Variants in B3GALT1 observed in about 807,000 individuals in gnomAD.
B3GALT1 encodes the protein UDP-Gal:betaGlcNAc beta 1,3-galactosyltransferase, polypeptide 1.
Under a neutral mutation model 23.2 loss-of-function variants are expected in B3GALT1, and 10 were observed. The ratio of observed to expected loss-of-function variants is 0.43; its 90% CI spans 0.27 to 0.73. The LOEUF is 0.73. Among genes scored for constraint, B3GALT1 ranks in the 30% least tolerant of loss-of-function variants. The pLI is 0.21. For synonymous variants in B3GALT1, 156 were observed against 141.5 expected, an observed-to-expected ratio of 1.10 and a Z score of -0.73; for missense variants, 299 against 405.4, an observed-to-expected ratio of 0.74 and a Z score of 2.25.
intron 4 of B3GALT1, among the ~76,000 whole-genome samples, chr2:167,837,208 C>T (rs1482438518): frequency 1.3e-5 from 2 of 152,116 alleles, no homozygotes; most frequent in African/African-American, 4.8e-5. Context: ...AGACTAAATG[C>T]TCCAATTAAA....
intron 2 of B3GALT1, among the ~76,000 whole-genome samples, chr2:167,579,842 T>A (rs1684453369): frequency 6.6e-6 from 1 of 152,098 alleles, no homozygotes; most frequent in Non-Finnish European, 1.5e-5. Flanking sequence ...TCCCTCACCT[T>A]TACACAGTCA....
intron 2 of B3GALT1, among the ~76,000 whole-genome samples, chr2:167,594,262 C>T (rs1300591693): frequency 2.0e-5 from 3 of 152,150 alleles, no homozygotes; most frequent in Admixed American, 1.3e-4. Context: ...CAAGGCACTG[C>T]ATGTCCTTCT....
At chr2:167,624,200 G>A (rs547586481) in intron 2 of B3GALT1, among the ~76,000 whole-genome samples, 1 of 152,156 alleles carries the variant, frequency 6.6e-6, no homozygotes, top group East Asian at 1.9e-4. Context: ...TGACAGGTAA[G>A]GAAGTTTAGA....
Position 167,293,064 on chromosome 2 carries a change from C to A in B3GALT1, c.-781C>A, listed in dbSNP as rs1476672097. ...TTCGGCTGCCGCCGCGGCTGCTCGGCTAGTGCAGCTGGGCGAGCTCGCGCG... is the reference window on the plus strand; with the variant it reads ...TTCGGCTGCCGCCGCGGCTGCTCGGATAGTGCAGCTGGGCGAGCTCGCGCG... On this transcript the variant is annotated 5_prime_UTR_variant, in exon 1 of 5. Transcript: ENST00000392690. 1.3e-5 allele frequency: 2 copies of A among 151,482 alleles called. No homozygotes were observed. Among genetic ancestry groups the A allele is most frequent in the Non-Finnish European group, 2.9e-5 (2 of 67,850 alleles). The allele number at this position is 151,482 out of a possible 1,614,324, so 9.4% of individuals were successfully genotyped here. A position where few individuals can be genotyped will look rare whatever the true frequency, so the allele number is the denominator to read the frequency against.
intron 2 of B3GALT1, among the ~76,000 whole-genome samples, chr2:167,560,536 T>C (rs889339404): frequency 7.9e-5 from 12 of 152,244 alleles, no homozygotes; most frequent in African/African-American, 2.9e-4. Flanking sequence ...TCAAGACCCA[T>C]CAGCATGCTG....
At chr2:167,653,052 C>T (rs942582402) in intron 3 of B3GALT1, among the ~76,000 whole-genome samples, 1 of 152,018 alleles carries the variant, frequency 6.6e-6, no homozygotes, top group African/African-American at 2.4e-5. Flanking sequence ...GTGGAGAATA[C>T]CTTTCTCATT....
At chr2:167,373,821 A>G (rs1173624236) in intron 1 of B3GALT1, among the ~76,000 whole-genome samples, 2 of 152,124 alleles carry the variant, frequency 1.3e-5, no homozygotes, top group African/African-American at 2.4e-5. Flanking sequence ...GGCTTCCCAA[A>G]GTGCTGGGAT....
At chr2:167,539,571 C>G (rs1442474428) in intron 2 of B3GALT1, among the ~76,000 whole-genome samples, 1 of 152,118 alleles carries the variant, frequency 6.6e-6, no homozygotes, top group South Asian at 2.1e-4. Context: ...CAGGATAGTG[C>G]TGACTATTCT....
intron 3 of B3GALT1, among the ~76,000 whole-genome samples, chr2:167,661,390 AACC>A (rs1243852325): frequency 6.6e-6 from 1 of 152,028 alleles, no homozygotes; most frequent in Non-Finnish European, 1.5e-5. Flanking sequence ...GCCCCAAGAA[AACC>A]AGTCTTTAGA....
At chr2:167,699,638 G>A (rs939665735) in intron 3 of B3GALT1, among the ~76,000 whole-genome samples, 2 of 151,968 alleles carry the variant, frequency 1.3e-5, no homozygotes, top group African/African-American at 4.8e-5. Flanking sequence ...TAGCATCTCA[G>A]TCATCAATAA....
At chr2:167,619,722 T>C (rs2105438249) in intron 2 of B3GALT1, among the ~76,000 whole-genome samples, 1 of 152,232 alleles carries the variant, frequency 6.6e-6, no homozygotes, top group South Asian at 2.1e-4. Context: ...AAGTCTCACA[T>C]AGGTAATTGT....
At chr2:167,476,714 G>A (rs1699491800) in intron 1 of B3GALT1, among the ~76,000 whole-genome samples, 2 of 152,084 alleles carry the variant, frequency 1.3e-5, no homozygotes, top group Admixed American at 1.3e-4. Context: ...ACCTCTCACT[G>A]AGATAATGGC....
In B3GALT1 at chr2:167,565,485, A is replaced by G. The variant is rs189699592; in HGVS notation, c.-410+75208A>G. On this transcript the variant is annotated intron_variant, in intron 2 of 4. Coordinates refer to ENST00000392690, the MANE Select transcript of B3GALT1 (RefSeq NM_020981.4). ...GTCTAAAACACCAAAAGCAGTGGCA[A>G]CAAAAGCCAAAATTGACAAATGGGA... 2.8e-3 allele frequency among the ~76,000 whole-genome samples: 423 copies of G among 152,360 alleles called. 4 individuals carry two copies. Among genetic ancestry groups the G allele is most frequent in the Non-Finnish European group, 1.7e-3 (116 of 68,032 alleles).
chr2:167,612,764 C>G (rs1685091068), intron 2 of B3GALT1, among the ~76,000 whole-genome samples: 1 of 151,840 alleles, frequency 6.6e-6, no homozygotes, highest in South Asian at 2.1e-4. Flanking sequence ...ATAATGATGT[C>G]AGAATCTAAC....
intron 3 of B3GALT1, among the ~76,000 whole-genome samples, chr2:167,697,865 G>A (rs1423586196): frequency 6.6e-6 from 1 of 152,154 alleles, no homozygotes; most frequent in Non-Finnish European, 1.5e-5. Context: ...CGGTCATGAG[G>A]AAATCACAGT....
In B3GALT1 at chr2:167,642,263, G is replaced by A. The variant is rs116365097; in HGVS notation, c.-409-4646G>A. 3.9e-3 allele frequency among the ~76,000 whole-genome samples: 589 copies of A among 152,240 alleles called. 5 individuals carry two copies. The highest frequency in any genetic ancestry group is 0.014 in the African/African-American group (564 of 41,560). ...ATCAAATATTTTTCACCATCGGGGG[G>A]TCCAGTCAGGGATTTTATTTTGCCC... is the stretch of plus-strand genomic sequence containing the variant. On this transcript the variant is annotated intron_variant, in intron 2 of 4. Coordinates refer to ENST00000392690, the MANE Select transcript of B3GALT1 (RefSeq NM_020981.4).
intron 2 of B3GALT1, among the ~76,000 whole-genome samples, chr2:167,600,537 C>A (rs950092277): frequency 6.6e-6 from 1 of 152,140 alleles, no homozygotes; most frequent in African/African-American, 2.4e-5. Context: ...ACCATCCTCC[C>A]CACCCACTCC....
intron 3 of B3GALT1, among the ~76,000 whole-genome samples, chr2:167,743,278 T>A (rs1164377655): frequency 6.6e-6 from 1 of 152,122 alleles, no homozygotes; most frequent in Admixed American, 6.5e-5. Flanking sequence ...GGAGTTAAGT[T>A]TATAAAGGTT....
At chr2:167,563,913 C>G (rs1171861313) in intron 2 of B3GALT1, among the ~76,000 whole-genome samples, 3 of 126,602 alleles carry the variant, frequency 2.4e-5, no homozygotes, top group Non-Finnish European at 3.4e-5. Context: ...GGCCGATCCC[C>G]CCACCTCCCT....
Sources: gnomAD v4.1 joint callset for allele counts (sites outside exome capture counted in the v4.1 genomes callset) on GRCh38, gnomAD v4.1.1 for gene constraint, MANE v1.5 for transcripts, NCBI Gene and HGNC (gene_info 2026-07-23, HGNC 2026-07-21) for gene names.